TMEM41B: variants seen among roughly 807,000 people sequenced by gnomAD.
The protein encoded by TMEM41B is protein stasimon.
Under a neutral mutation model 31.9 loss-of-function variants are expected in TMEM41B, and 18 were observed. The ratio of observed to expected loss-of-function variants is 0.56; its 90% CI spans 0.39 to 0.84. TMEM41B has a LOEUF of 0.84. Among genes scored for constraint, TMEM41B ranks in the 40% least tolerant of loss-of-function variants. TMEM41B has a pLI of 0.00. For synonymous variants in TMEM41B, 144 were observed against 124.3 expected, an observed-to-expected ratio of 1.16 and a Z score of -1.05; for missense variants, 322 against 348.0, an observed-to-expected ratio of 0.93 and a Z score of 0.59.
chr11:9,296,396 C>CG (rs1853086797), intron 2 of TMEM41B, among the ~76,000 whole-genome samples: 1 of 151,510 alleles, frequency 6.6e-6, no homozygotes, highest in African/African-American at 2.4e-5. Flanking sequence ...GAAGCCGAGG[C>CG]GGGTGGATCG....
rs964366241 is a variant in TMEM41B, at chr11:9,295,309, C to A, written c.318G>T (p.Lys106Asn). The part of the protein sequence containing the change: ...KALGKVLSKY[K>N]DTFYVQVLVA... ...CAAGTACTTGAACATAAAAGGTGTC[C>A]TTGTATTTGGATAAAACTTTTCCTA... The change falls in exon 3 of 7, where the codon AAG (lysine) becomes AAT (asparagine). Residue 106 changes from lysine to asparagine, a missense_variant. By Grantham distance (94) the Lys-to-Asn change is moderately conservative (BLOSUM62 0). Transcript: ENST00000528080. The A allele has an allele frequency of 5.5e-5, 88 of 1,594,936 alleles. No individual in the cohort carries two copies. Among genetic ancestry groups the A allele is most frequent in the Non-Finnish European group, 7.4e-5 (86 of 1,167,956 alleles).
intron 3 of TMEM41B, among the ~76,000 whole-genome samples, chr11:9,290,399 T>C (rs941079941): frequency 1.4e-4 from 21 of 152,050 alleles, no homozygotes; most frequent in African/African-American, 4.6e-4. Context: ...AAACAAAACA[T>C]CATATTATGG....
intron 1 of TMEM41B, among the ~76,000 whole-genome samples, chr11:9,300,573 T>C (rs1003565851): frequency 3.3e-5 from 5 of 152,152 alleles, no homozygotes; most frequent in Admixed American, 3.3e-4. Flanking sequence ...ATCTCAGTAT[T>C]AGCTTAAAAA....
At chr11:9,289,320 A>AT (rs11333738) in intron 3 of TMEM41B, among the ~76,000 whole-genome samples, 30 of 147,530 alleles carry the variant, frequency 2.0e-4, no homozygotes, top group African/African-American at 7.2e-4. Flanking sequence ...TTTAAAATAG[A>AT]TTTTTTTTTT....
intron 6 of TMEM41B, among the ~76,000 whole-genome samples, chr11:9,286,119 A>T (rs1852831849): frequency 6.6e-6 from 1 of 152,196 alleles, no homozygotes. Context: ...AGGGAAGAGG[A>T]AGGGGAAGGG....
At position 9,286,448 on chromosome 11, in the gene TMEM41B, G is replaced by A; in HGVS notation, c.706+7C>T. 6.2e-7 allele frequency: 1 copy of A among 1,607,548 alleles called. No homozygotes were observed. Among genetic ancestry groups the A allele is most frequent in the Non-Finnish European group, 8.5e-7 (1 of 1,177,252 alleles). Reference sequence around the variant, plus strand: ...AGCTCATACACAGCAAGAACCAGAGGGCTTACCTAGAAAAGTACCAATAAA... The same window carrying A: ...AGCTCATACACAGCAAGAACCAGAGAGCTTACCTAGAAAAGTACCAATAAA... On this transcript the variant is annotated splice_region_variant and intron_variant, in intron 6 of 6. Coordinates refer to ENST00000528080, the MANE Select transcript of TMEM41B (RefSeq NM_015012.4).
In TMEM41B at chr11:9,281,933, G is replaced by C. The variant is rs181804673; in HGVS notation, c.*1491C>G. On this transcript the variant is annotated 3_prime_UTR_variant, in exon 7 of 7. Transcript: ENST00000528080. ...TAAATGAGGTAAAATTTAGTCATTG[G>C]AACAAATAAACTATATTTAATCACT... 1 of 152,046 alleles carries C rather than the reference G, an allele frequency of 6.6e-6. No individual in the cohort carries two copies. Among genetic ancestry groups the C allele is most frequent in the Non-Finnish European group, 1.5e-5 (1 of 67,994 alleles). 9.4% of individuals were successfully genotyped at this position (152,046 alleles called of 1,614,324 possible). A position where few individuals can be genotyped will look rare whatever the true frequency, so the allele number is the denominator to read the frequency against.
Position 9,297,095 on chromosome 11 carries a change from G to GT in TMEM41B, c.240-1709dup, listed in dbSNP as rs964031016. Among the ~76,000 whole-genome samples, 21 of 151,640 alleles carry GT rather than the reference G, an allele frequency of 1.4e-4. No homozygotes were observed. The East Asian group carries it at 1.8e-3, about 13-fold the overall frequency. On this transcript the variant is annotated intron_variant, in intron 2 of 6. Coordinates refer to ENST00000528080, the MANE Select transcript of TMEM41B (RefSeq NM_015012.4). ...GTGCCACTATGCTCTGCTAGTTGTT[G>GT]TTTTTTTTAGATAGAGTCCTGCTCT...
At chr11:9,288,140 A>C (rs534400439) in intron 4 of TMEM41B, 6 of 389,936 alleles carry the variant, frequency 1.5e-5, no homozygotes, top group Admixed American at 4.7e-5. Flanking sequence ...AAGCTTGAAA[A>C]CACCACCTCT....
In TMEM41B at chr11:9,287,768, G is replaced by C. The variant is rs377613626; in HGVS notation, c.501C>G (p.Ser167=). ...GLGASFCYML[S]YLVGRPVVYK... is the part of the protein sequence containing the mutation. ...ATACAACTGGTCTCCCAACTAAATA[G>C]GAAAGCATATAACAGAAAGAGGCAC... Residue 167 remains serine, a synonymous_variant, in exon 5 of 7, where the codon TCC becomes TCG. Transcript: ENST00000528080. The C allele has an allele frequency of 6.2e-7, 1 of 1,613,560 alleles. No homozygotes were observed. Among genetic ancestry groups the C allele is most frequent in the South Asian group, 1.1e-5 (1 of 90,984 alleles).
chr11:9,288,537 TG>T lies in TMEM41B; in HGVS notation c.369-3del. ...CCTGGAATAGCAAATGTTTGCAAGC[TG>T]GTAACTTTTAAGTTAAGGATTAGAA... On this transcript the variant is annotated splice_polypyrimidine_tract_variant and splice_region_variant and intron_variant, in intron 3 of 6. Transcript: ENST00000528080. 6.4e-7 allele frequency: 1 copy of T among 1,565,368 alleles called. No homozygotes were observed. Among genetic ancestry groups the T allele is most frequent in the Non-Finnish European group, 8.6e-7 (1 of 1,160,064 alleles).
intron 2 of TMEM41B, among the ~76,000 whole-genome samples, chr11:9,298,601 A>C (rs1440015302): frequency 6.6e-6 from 1 of 151,986 alleles, no homozygotes; most frequent in Admixed American, 6.6e-5. Flanking sequence ...CCCCATCTCT[A>C]CTAAAAATAC....
intron 1 of TMEM41B, among the ~76,000 whole-genome samples, chr11:9,304,981 C>T (rs1330728733): frequency 6.6e-6 from 1 of 151,630 alleles, no homozygotes; most frequent in Non-Finnish European, 1.5e-5. Flanking sequence ...ATTTAGAGAC[C>T]AGGTCTCACT....
At chr11:9,286,407 A>T in intron 6 of TMEM41B, 48 bp downstream of exon 6, 1 of 1,551,370 alleles carries the variant, frequency 6.4e-7, no homozygotes. Flanking sequence ...GGACACTGTT[A>T]GATATGTACA....
rs115510094 is a variant in TMEM41B, at chr11:9,298,904, T to C, written c.239+680A>G. On this transcript the variant is annotated intron_variant, in intron 2 of 6. Coordinates refer to ENST00000528080, the MANE Select transcript of TMEM41B (RefSeq NM_015012.4). ...CCCTGGTTGAAAGTCTAACTACATCTTAGTAGTCCTTCATATAATCTATGA... is the reference window on the plus strand; with the variant it reads ...CCCTGGTTGAAAGTCTAACTACATCCTAGTAGTCCTTCATATAATCTATGA... Among the ~76,000 whole-genome samples the C allele has an allele frequency of 4.6e-3, 703 of 152,300 alleles. 8 individuals carry two copies. The highest frequency in any genetic ancestry group is 0.016 in the African/African-American group (680 of 41,564).
rs1481462204 is a variant in TMEM41B at position 9,282,371 on chromosome 11, C to T, written c.*1053G>A. 1.3e-5 allele frequency: 2 copies of T among 149,988 alleles called. No individual in the cohort carries two copies. The highest frequency in any genetic ancestry group is 3.9e-4 in the East Asian group (2 of 5,096). The allele number at this position is 149,988 out of a possible 1,614,324, so 9.3% of individuals were successfully genotyped here. A position where few individuals can be genotyped will look rare whatever the true frequency, so the allele number is the denominator to read the frequency against. On this transcript the variant is annotated 3_prime_UTR_variant, in exon 7 of 7. Transcript: ENST00000528080. ...CACTCCAGCCTGGGCAACAGCAAGACTCCGTCTCAAAAAAAAAAAAAATTA... is the reference window on the plus strand; with the variant it reads ...CACTCCAGCCTGGGCAACAGCAAGATTCCGTCTCAAAAAAAAAAAAAATTA...
chr11:9,311,433 G>A (rs541423951), intron 1 of TMEM41B: 1 of 1,392,270 alleles, frequency 7.2e-7, no homozygotes, highest in African/African-American at 1.4e-5. Flanking sequence ...AGGCATTCCA[G>A]GAGCAGACGG....
chr11:9,288,976 T>C (rs1230491525), intron 3 of TMEM41B, among the ~76,000 whole-genome samples: 1 of 151,980 alleles, frequency 6.6e-6, no homozygotes, highest in Admixed American at 6.6e-5. Flanking sequence ...ATAAGAAAAA[T>C]AAGAATAGAA....
At chr11:9,283,663 G>A (rs922853053) in intron 6 of TMEM41B, 70 bp from the exon 7 acceptor site, 8 of 1,358,634 alleles carry the variant, frequency 5.9e-6, no homozygotes, top group Non-Finnish European at 7.9e-6. Flanking sequence ...AATGTTCTGT[G>A]TGCATAAAGT....
Sources: allele counts gnomAD v4.1 joint callset (sites outside exome capture counted in the v4.1 genomes callset), GRCh38; gene constraint gnomAD v4.1.1; transcripts MANE v1.5; gene names NCBI Gene and HGNC (gene_info 2026-07-23, HGNC 2026-07-21).